The following KIDINS220 variants were observed in gnomAD, a reference collection of about 807,000 sequenced individuals.
KIDINS220 encodes the protein kinase D interacting substrate 220, also known as kinase D-interacting substrate of 220 kDa.
Under a neutral mutation model 157.6 loss-of-function variants are expected in KIDINS220, and 63 were observed. That is an observed-to-expected ratio of 0.40 (90% CI 0.33 to 0.49). The LOEUF is 0.49. Among genes scored for constraint, KIDINS220 ranks in the 20% least tolerant of loss-of-function variants. The pLI, the probability that KIDINS220 is intolerant of heterozygous loss-of-function variation, is 0.66. For synonymous variants in KIDINS220, 732 were observed against 783.6 expected (o/e 0.93, Z 1.10); for missense variants, 1,772 against 2,171.2 (o/e 0.82, Z 3.65).
At chr2:8,832,676 C>T (rs1679824564) in intron 1 of KIDINS220, among the ~76,000 whole-genome samples, 1 of 152,134 alleles carries the variant, frequency 6.6e-6, no homozygotes, top group African/African-American at 2.4e-5. Flanking sequence ...AGTCTACGTT[C>T]ATTTTCAATA....
chr2:8,723,944 T>A (rs1663120746), downstream of KIDINS220: 1 of 152,266 alleles, frequency 6.6e-6, no homozygotes, highest in Non-Finnish European at 1.5e-5. Flanking sequence ...GGAGGGTTTT[T>A]TCCCCCATTT....
At chr2:8,767,408 T>C (rs1669623822) in intron 22 of KIDINS220, among the ~76,000 whole-genome samples, 1 of 152,158 alleles carries the variant, frequency 6.6e-6, no homozygotes, top group Non-Finnish European at 1.5e-5. Flanking sequence ...GTTTTTGGAA[T>C]AAATATTGCT....
chr2:8,736,336 G>GA (rs1189205159), intron 27 of KIDINS220, among the ~76,000 whole-genome samples: 4 of 151,040 alleles, frequency 2.6e-5, no homozygotes, highest in Non-Finnish European at 4.4e-5. Context: ...GATCTTAGAA[G>GA]AAAAAAAAAC....
chr2:8,784,366 C>A (rs1246165162), intron 17 of KIDINS220, among the ~76,000 whole-genome samples: 2 of 152,026 alleles, frequency 1.3e-5, no homozygotes, highest in African/African-American at 4.8e-5. Context: ...TTGGTGTTAA[C>A]TTTTTAGATA....
At chr2:8,827,361 C>T (rs1466910610) in intron 1 of KIDINS220, among the ~76,000 whole-genome samples, 1 of 152,084 alleles carries the variant, frequency 6.6e-6, no homozygotes, top group Non-Finnish European at 1.5e-5. Context: ...CCACATCCAT[C>T]CCCAAACCCT....
At chr2:8,836,902 C>G (rs1190259561) in intron 1 of KIDINS220, among the ~76,000 whole-genome samples, 1 of 152,144 alleles carries the variant, frequency 6.6e-6, no homozygotes, top group Non-Finnish European at 1.5e-5. Flanking sequence ...AATAAAAATT[C>G]CAACATTACA....
chr2:8,731,479 G>A lies in KIDINS220; in HGVS notation c.4557C>T (p.Leu1519=), dbSNP rs1246772925. The change falls in exon 30 of 30, where the codon CTC becomes CTT. Residue 1519 remains leucine, a synonymous_variant. Transcript: ENST00000256707. The surrounding 1 kb of genome is among the most constrained non-coding windows in gnomAD (Gnocchi z 5.2). The part of the protein sequence containing the change: ...LKGSGLRYQK[L]PSDEDESGTE... ...TGCCAGATTCATCCTCGTCACTTGG[G>A]AGTTTTTGATAGCGCAGCCCACTTC... 2.5e-6 allele frequency: 4 copies of A among 1,614,188 alleles called. No homozygotes were observed. In the South Asian group the frequency reaches 4.4e-5, roughly 18 times the overall value.
intron 20 of KIDINS220, among the ~76,000 whole-genome samples, chr2:8,777,458 C>T (rs773513752): frequency 2.0e-5 from 3 of 152,080 alleles, no homozygotes; most frequent in Non-Finnish European, 2.9e-5. Flanking sequence ...ACCACCACAT[C>T]CAGCTAATGT....
rs749127858 is a variant in KIDINS220, at chr2:8,751,637, T to C, written c.3019A>G (p.Lys1007Glu). ...ACATCCTTAGTTGTTGGAATATTCT[T>C]TGATATTCTTCAAATAAGAAATCAA... ...TLKTIYERIS[K>E]NIPTTKDVEP... Residue 1007 changes from lysine to glutamate, a missense_variant, in exon 23 of 30, where the codon AAG becomes GAG. Lys to Glu is a moderately conservative substitution (Grantham distance 56). Around this residue, in one of 3 missense-constraint regions of KIDINS220, gnomAD observed 725 missense variants for 1,017.1 expected, o/e 0.71. Coordinates refer to ENST00000256707, the MANE Select transcript of KIDINS220 (RefSeq NM_020738.4). The C allele has an allele frequency of 3.2e-6, 5 of 1,580,074 alleles. No individual in the cohort carries two copies. Among genetic ancestry groups the C allele is most frequent in the East Asian group, 4.5e-5 (2 of 44,756 alleles).
intron 24 of KIDINS220, among the ~76,000 whole-genome samples, chr2:8,748,441 C>T (rs1292322178): frequency 6.6e-6 from 1 of 152,112 alleles, no homozygotes; most frequent in Admixed American, 6.5e-5. Flanking sequence ...TATATGAAAA[C>T]ACCCTGGCAC....
At chr2:8,725,097 A>C (rs1177255079), downstream of KIDINS220, 2 of 152,238 alleles carry the variant, frequency 1.3e-5, no homozygotes, top group Non-Finnish European at 2.9e-5. Context: ...AAACTTAACA[A>C]CACAAAATGA....
At chr2:8,754,686 T>C (rs1032226760) in intron 22 of KIDINS220, among the ~76,000 whole-genome samples, 1 of 152,256 alleles carries the variant, frequency 6.6e-6, no homozygotes, top group African/African-American at 2.4e-5. Flanking sequence ...AAGTCCATAT[T>C]AATTCCTTGG....
chr2:8,744,794 G>GTT (rs944289228), intron 26 of KIDINS220, among the ~76,000 whole-genome samples: 4 of 152,000 alleles, frequency 2.6e-5, no homozygotes, highest in Non-Finnish European at 5.9e-5. Context: ...TGACTACTTA[G>GTT]TTTTTCTAGG....
intron 1 of KIDINS220, among the ~76,000 whole-genome samples, chr2:8,830,889 T>C (rs1182968162): frequency 1.3e-5 from 2 of 152,328 alleles, no homozygotes; most frequent in Non-Finnish European, 2.9e-5. Flanking sequence ...ATATTGGCAC[T>C]GTTTCCAGAA....
chr2:8,743,953 TTGGC>T (rs1665985368), intron 26 of KIDINS220, among the ~76,000 whole-genome samples: 1 of 151,742 alleles, frequency 6.6e-6, no homozygotes, highest in Non-Finnish European at 1.5e-5. Context: ...TTCACAAGAT[TTGGC>T]ATATATTTTT....
intron 2 of KIDINS220, among the ~76,000 whole-genome samples, chr2:8,820,509 A>C (rs1359934808): frequency 6.6e-6 from 1 of 152,210 alleles, no homozygotes; most frequent in African/African-American, 2.4e-5. Context: ...CTATTATAAG[A>C]ATAATACAAG....
intron 22 of KIDINS220, among the ~76,000 whole-genome samples, chr2:8,761,303 T>C (rs1015296273): frequency 6.6e-6 from 1 of 152,202 alleles, no homozygotes; most frequent in Non-Finnish European, 1.5e-5. Flanking sequence ...AGTAGATCTA[T>C]GAATATGTTT....
At position 8,800,494 on chromosome 2, in the gene KIDINS220, C is replaced by T. The variant is rs1674541275; in HGVS notation, c.806G>A (p.Gly269Glu). 1 of 1,602,760 alleles carries T rather than the reference C, an allele frequency of 6.2e-7. No individual in the cohort carries two copies. Among genetic ancestry groups the T allele is most frequent in the African/African-American group, 1.3e-5 (1 of 74,512 alleles). Reference sequence around the variant, plus strand: ...GACAGCGCCAATCAACACAGTATCCCCACTCTAAGAAGACAGAAAATAAAA... The same window carrying T: ...GACAGCGCCAATCAACACAGTATCCTCACTCTAAGAAGACAGAAAATAAAA... ...GTYVNIPDRS[G>E]DTVLIGAVRG... is the part of the protein sequence containing the mutation. The change falls in exon 9 of 30, where the codon GGG becomes GAG. Residue 269 changes from glycine (G) to glutamate (E), a missense_variant. Physicochemically the swap from Gly to Glu is moderately conservative, Grantham distance 98 (BLOSUM62 -2). Coordinates refer to ENST00000256707, the MANE Select transcript of KIDINS220 (RefSeq NM_020738.4).
In KIDINS220 at chr2:8,750,124, G is replaced by T; in HGVS notation, c.3402C>A (p.Pro1134=). The T allele has an allele frequency of 6.2e-7, 1 of 1,613,970 alleles. No homozygotes were observed. The highest frequency in any genetic ancestry group is 8.5e-7 in the Non-Finnish European group (1 of 1,179,864). Residue 1134 remains proline (P), a synonymous_variant, in exon 24 of 30, where the codon CCC becomes CCA. Coordinates refer to ENST00000256707, the MANE Select transcript of KIDINS220 (RefSeq NM_020738.4). Reference sequence around the variant, plus strand: ...CCAACTTCCTTACCCTGTTGTAGAAGGGATGCTGAGGGCCCGTCATGCCGC... The same window carrying T: ...CCAACTTCCTTACCCTGTTGTAGAATGGATGCTGAGGGCCCGTCATGCCGC... The part of the protein sequence containing the change: ...YYSGMTGPQH[P]FYNRPFFAPY...
Sources: gnomAD v4.1 joint callset for allele counts (sites outside exome capture counted in the v4.1 genomes callset) on GRCh38, gnomAD v4.1.1 for gene constraint, gnomAD v4.1.1 regional missense constraint, Gnocchi (gnomAD v3.1) non-coding constraint, MANE v1.5 for transcripts, NCBI Gene and HGNC (gene_info 2026-07-23, HGNC 2026-07-21) for gene names.